ATG2B: variants seen among roughly 807,000 people sequenced by gnomAD.
ATG2B encodes the protein autophagy related 2B.
ATG2B carries 121 observed loss-of-function variants against 241.3 expected under a neutral mutation model. The ratio of observed to expected loss-of-function variants is 0.50; its 90% CI spans 0.43 to 0.58. ATG2B has a LOEUF of 0.58. Ranked by LOEUF, ATG2B falls within the 20% of genes least tolerant of loss-of-function variation. The pLI is 0.00. For synonymous variants in ATG2B, 858 were observed against 876.6 expected, an observed-to-expected ratio of 0.98 and a Z score of 0.37; for missense variants, 2,306 against 2,491.6, an observed-to-expected ratio of 0.93 and a Z score of 1.59.
chr14:96,293,270 C>T (rs1343535215), intron 36 of ATG2B: 1 of 152,198 alleles, frequency 6.6e-6, no homozygotes, highest in Non-Finnish European at 1.5e-5. Context: ...AGCCTCAGAC[C>T]CCAGGTCACG....
chr14:96,334,949 A>G (rs367985308), intron 6 of ATG2B, among the ~76,000 whole-genome samples: 4 of 152,228 alleles, frequency 2.6e-5, no homozygotes, highest in East Asian at 1.9e-4. Flanking sequence ...CTAGCAGAGC[A>G]TGTAAGGACC....
chr14:96,308,541 G>A (rs535994410), intron 29 of ATG2B, among the ~76,000 whole-genome samples: 33 of 146,956 alleles, frequency 2.2e-4, no homozygotes, highest in Admixed American at 5.5e-4. Context: ...GAGTTCAAGT[G>A]ATCCACCTGC....
Position 96,309,539 on chromosome 14 carries a change from T to C in ATG2B, c.4217A>G (p.Gln1406Arg), listed in dbSNP as rs1887092612. Residue 1406 changes from glutamine to arginine, a missense_variant, in exon 29 of 42, where the codon CAA becomes CGA. Gln to Arg is a conservative substitution (Grantham distance 43). This residue lies in a region of ATG2B where 1,927 missense variants were observed against 2,011.2 expected (regional missense o/e 0.96). Coordinates refer to ENST00000359933, the MANE Select transcript of ATG2B (RefSeq NM_018036.7). ...SRGPVLPEAD[Q>R]QMLRDLMSDA... is the part of the protein sequence containing the mutation. The stretch of plus-strand genomic sequence containing the variant: ...ACTCATCAGATCTCGTAACATTTGT[T>C]GATCTGCTTCAGGAAGTACTGGACC... 9 of 1,614,030 alleles carry C rather than the reference T, an allele frequency of 5.6e-6. No individual in the cohort carries two copies. The highest frequency in any genetic ancestry group is 1.1e-5 in the South Asian group (1 of 91,086).
intron 1 of ATG2B, among the ~76,000 whole-genome samples, chr14:96,348,684 T>A (rs72704898): frequency 6.2e-4 from 55 of 88,352 alleles, no homozygotes; most frequent in Admixed American, 4.8e-4. Flanking sequence ...AAAAAAAAAA[T>A]GAGTAAGATC....
chr14:96,306,918 T>A lies in ATG2B; in HGVS notation c.4304-2A>T. On this transcript the variant is annotated splice_acceptor_variant, in intron 29 of 41. Transcript: ENST00000359933. LOFTEE classifies it high-confidence loss of function. ...TTTGAGATTTTTCATCCAAAACACCTAGATAAAAAGATTACAACATTTTGG... is the reference window on the plus strand; with the variant it reads ...TTTGAGATTTTTCATCCAAAACACCAAGATAAAAAGATTACAACATTTTGG... The A allele has an allele frequency of 6.2e-7, 1 of 1,610,546 alleles. No homozygotes were observed. Among genetic ancestry groups the A allele is most frequent in the Non-Finnish European group, 8.5e-7 (1 of 1,178,788 alleles).
Position 96,305,695 on chromosome 14 carries a change from T to C in ATG2B, c.4627A>G (p.Ile1543Val), listed in dbSNP as rs759981297. Residue 1543 changes from isoleucine to valine, a missense_variant, in exon 31 of 42, where the codon ATT (isoleucine) becomes GTT (valine). Transcript: ENST00000359933. ...DTSKAPLHFP[I>V]PVIRYVVKEV... Reference sequence around the variant, plus strand: ...TTCACCACATAGCGAATCACAGGAATGGGAAAGTGTAAGGGGGCTTTGCTC... The same window carrying C: ...TTCACCACATAGCGAATCACAGGAACGGGAAAGTGTAAGGGGGCTTTGCTC... 1.9e-6 allele frequency: 3 copies of C among 1,614,088 alleles called. No individual in the cohort carries two copies. The highest frequency in any genetic ancestry group is 2.2e-5 in the South Asian group (2 of 91,070).
intron 11 of ATG2B, among the ~76,000 whole-genome samples, chr14:96,331,054 G>A (rs953810876): frequency 1.3e-5 from 2 of 152,204 alleles, no homozygotes; most frequent in African/African-American, 4.8e-5. Context: ...TTTCACGACT[G>A]CAGTGGTGTC....
intron 14 of ATG2B, among the ~76,000 whole-genome samples, chr14:96,326,593 T>G (rs1300644309): frequency 2.0e-5 from 3 of 152,204 alleles, no homozygotes; most frequent in Non-Finnish European, 4.4e-5. Flanking sequence ...GAAATCTATT[T>G]CTATTTTTTC....
At chr14:96,308,165 TATAA>T (rs928615728) in intron 29 of ATG2B, among the ~76,000 whole-genome samples, 9 of 142,342 alleles carry the variant, frequency 6.3e-5, no homozygotes, top group African/African-American at 1.8e-4. Flanking sequence ...CACACACATA[TATAA>T]ATATATATAA....
intron 25 of ATG2B, among the ~76,000 whole-genome samples, chr14:96,312,767 T>A (rs1335057089): frequency 2.6e-5 from 4 of 151,922 alleles, no homozygotes; most frequent in African/African-American, 7.3e-5. Flanking sequence ...AATAAAAAAA[T>A]TAAATAAAAA....
At chr14:96,295,253 C>G in intron 35 of ATG2B, 86 bp from the exon 36 acceptor site, 1 of 1,264,866 alleles carries the variant, frequency 7.9e-7, no homozygotes, top group Non-Finnish European at 1.1e-6. Context: ...ATTTGTTTTT[C>G]TACATTTTAT....
Position 96,291,641 on chromosome 14 carries a change from G to C in ATG2B, c.5538C>G (p.Asn1846Lys). ...AGILIGLAQL[N>K]CSELKLKRLS... Reference sequence around the variant, plus strand: ...GCCTCTTGAGCTTTAGTTCAGAGCAGTTTAACTGAGCCAGACCAATCAAAA... The same window carrying C: ...GCCTCTTGAGCTTTAGTTCAGAGCACTTTAACTGAGCCAGACCAATCAAAA... Residue 1846 changes from asparagine to lysine, a missense_variant, in exon 38 of 42, where the codon AAC becomes AAG. Asn to Lys is a moderately conservative substitution (Grantham distance 94). Around this residue, in one of 2 missense-constraint regions of ATG2B, gnomAD observed 379 missense variants for 480.4 expected, o/e 0.79. Coordinates refer to ENST00000359933, the MANE Select transcript of ATG2B (RefSeq NM_018036.7). 1 of 1,609,264 alleles carries C rather than the reference G, an allele frequency of 6.2e-7. No individual in the cohort carries two copies. The highest frequency in any genetic ancestry group is 8.5e-7 in the Non-Finnish European group (1 of 1,176,892).
chr14:96,317,936 G>C, intron 18 of ATG2B, 81 bp from the exon 19 acceptor site: 1 of 1,069,472 alleles, frequency 9.4e-7, no homozygotes, highest in Middle Eastern at 2.3e-4. Flanking sequence ...CCTTTTAAAA[G>C]ATCGTATGAA....
intron 34 of ATG2B, among the ~76,000 whole-genome samples, chr14:96,298,375 A>T (rs1886704096): frequency 6.6e-6 from 1 of 152,246 alleles, no homozygotes. Context: ...GCTTCTTAAG[A>T]GAGCTCAACA....
chr14:96,315,068 T>C (rs1887269629), intron 23 of ATG2B, 86 bp downstream of exon 23: 2 of 925,014 alleles, frequency 2.2e-6, no homozygotes, highest in Admixed American at 4.2e-5. Flanking sequence ...AGCTGAACAT[T>C]TATGACTTAC....
At chr14:96,354,575 A>G (rs1888422607) in intron 1 of ATG2B, among the ~76,000 whole-genome samples, 1 of 152,244 alleles carries the variant, frequency 6.6e-6, no homozygotes, top group African/African-American at 2.4e-5. Context: ...CAGTACTGCA[A>G]TGAACATAAG....
Position 96,344,635 on chromosome 14 carries a change from C to G in ATG2B, c.581+19G>C. On this transcript the variant is annotated intron_variant, in intron 4 of 41. Coordinates refer to ENST00000359933, the MANE Select transcript of ATG2B (RefSeq NM_018036.7). The stretch of plus-strand genomic sequence containing the variant: ...GAGTTACAATAGGGTCATTTATTTT[C>G]AGACATAAGAATTCTTACCTTTCTA... 6.9e-7 allele frequency: 1 copy of G among 1,445,962 alleles called. No individual in the cohort carries two copies. The highest frequency in any genetic ancestry group is 9.6e-7 in the Non-Finnish European group (1 of 1,042,788). 89.6% of individuals were successfully genotyped at this position (1,445,962 alleles called of 1,614,324 possible). A position where few individuals can be genotyped will look rare whatever the true frequency, so the allele number is the denominator to read the frequency against.
Position 96,316,543 on chromosome 14 carries a change from C to T in ATG2B, c.3351G>A (p.Leu1117=), listed in dbSNP as rs746339878. The change falls in exon 21 of 42, where the codon CTG becomes CTA. Residue 1117 remains leucine, a synonymous_variant. Coordinates refer to ENST00000359933, the MANE Select transcript of ATG2B (RefSeq NM_018036.7). The part of the protein sequence containing the change: ...YICLHSSSFS[L]YHKGIVNGVI... ...ACGTGTTTGTCCTACCTTTATGGTA[C>T]AGACTGAAACTGCTAGAATGAAGGC... 3.7e-6 allele frequency: 6 copies of T among 1,613,154 alleles called. No individual in the cohort carries two copies. Among genetic ancestry groups the T allele is most frequent in the Non-Finnish European group, 5.1e-6 (6 of 1,179,704 alleles).
chr14:96,326,162 T>C (rs1474648757), intron 14 of ATG2B, among the ~76,000 whole-genome samples: 1 of 152,050 alleles, frequency 6.6e-6, no homozygotes, highest in African/African-American at 2.4e-5. Context: ...AAAATTAAAT[T>C]AAAAACTGAG....
Sources: allele counts gnomAD v4.1 joint callset (sites outside exome capture counted in the v4.1 genomes callset), GRCh38; gene constraint gnomAD v4.1.1; regional missense constraint gnomAD v4.1.1; transcripts MANE v1.5; gene names NCBI Gene and HGNC (gene_info 2026-07-23, HGNC 2026-07-21).